The following CHD9 variants were observed in gnomAD, a reference collection of about 807,000 sequenced individuals.
CHD9 encodes the protein ATP-dependent chromatin remodeler CHD9.
CHD9 carries 77 observed loss-of-function variants against 316.1 expected under a neutral mutation model. The observed-to-expected ratio is 0.24, with a 90% CI of 0.20 to 0.29. The LOEUF (loss-of-function observed/expected upper bound fraction) is 0.29. CHD9 is among the 10% of genes least tolerant of loss of function. The pLI, the probability that CHD9 is intolerant of heterozygous loss-of-function variation, is 1.00. For missense variants in CHD9, 2,763 were observed against 3,438.1 expected, an observed-to-expected ratio of 0.80 and a Z score of 4.91; for synonymous variants, 1,129 against 1,158.3, an observed-to-expected ratio of 0.97 and a Z score of 0.51.
At chr16:53,306,121 G>GT in intron 31 of CHD9, 116 bp from the exon 32 acceptor site, 1 of 562,426 alleles carries the variant, frequency 1.8e-6, no homozygotes, top group Non-Finnish European at 2.8e-6. Context: ...TTTATCATTT[G>GT]TTTTTACTTC....
intron 12 of CHD9, among the ~76,000 whole-genome samples, chr16:53,242,514 T>G (rs1230904800): frequency 6.6e-6 from 1 of 152,184 alleles, no homozygotes; most frequent in Non-Finnish European, 1.5e-5. Context: ...TACTGAAATC[T>G]CATTGGCCAG....
intron 1 of CHD9, among the ~76,000 whole-genome samples, chr16:53,059,253 C>T (rs778263833): frequency 5.9e-5 from 9 of 152,100 alleles, no homozygotes; most frequent in Non-Finnish European, 1.0e-4. Context: ...GATGAAACCA[C>T]GTGGGATAGT....
chr16:53,312,283 C>T (rs1025014297), intron 34 of CHD9, among the ~76,000 whole-genome samples: 24 of 152,110 alleles, frequency 1.6e-4, no homozygotes, highest in Admixed American at 1.6e-3. Flanking sequence ...TAGACAAGAC[C>T]TGCACATTAA....
intron 1 of CHD9, among the ~76,000 whole-genome samples, chr16:53,147,930 G>A (rs1296192632): frequency 2.6e-5 from 4 of 152,084 alleles, no homozygotes; most frequent in East Asian, 1.9e-4. Flanking sequence ...TAGGCCAGGC[G>A]CGGTGGCCCA....
rs2046158557 is a variant in CHD9 at position 53,209,495 on chromosome 16, A to G, written c.1466A>G (p.Lys489Arg). 6.2e-7 allele frequency: 1 copy of G among 1,601,168 alleles called. No homozygotes were observed. ...LCLQRQPPSS[K>R]KSDGSGTYTK... ...TTGTTTCTGTAGCCTCCATCTTCCA[A>G]GAAGAGCGATGGTTCTGGGACATAT... Residue 489 changes from lysine (K) to arginine (R), a missense_variant, in exon 3 of 39, where the codon AAG becomes AGG. Lys to Arg is a conservative substitution (Grantham distance 26, BLOSUM62 2). Coordinates refer to ENST00000447540, the MANE Select transcript of CHD9 (RefSeq NM_001308319.2).
At chr16:53,163,351 C>G (rs1051875988) in intron 2 of CHD9, among the ~76,000 whole-genome samples, 7 of 152,170 alleles carry the variant, frequency 4.6e-5, no homozygotes, top group Non-Finnish European at 7.3e-5. Flanking sequence ...GCTGGGATTA[C>G]AGGAATGCGC....
Position 53,307,764 on chromosome 16 carries a change from T to C in CHD9, c.6864T>C (p.Asp2288=). ...GGCCTTCAGCTAGAAGAAGTTATGA[T>C]GCTAACACAGTGGCTTCTTTCTATA... is the stretch of plus-strand genomic sequence containing the variant. The part of the protein sequence containing the change: ...GKWPSARRSY[D]ANTVASFYTT... The change falls in exon 33 of 39, where the codon GAT becomes GAC. Residue 2288 remains aspartate, a synonymous_variant. Transcript: ENST00000447540. 1 of 1,612,956 alleles carries C rather than the reference T, an allele frequency of 6.2e-7. No homozygotes were observed.
intron 1 of CHD9, among the ~76,000 whole-genome samples, chr16:53,140,379 T>G (rs997670660): frequency 4.2e-5 from 6 of 144,196 alleles, no homozygotes; most frequent in African/African-American, 1.0e-4. Context: ...ATCACACCAC[T>G]GCATTCCAGT....
intron 1 of CHD9, among the ~76,000 whole-genome samples, chr16:53,062,957 T>C (rs1027309986): frequency 4.6e-5 from 7 of 151,838 alleles, no homozygotes; most frequent in Non-Finnish European, 1.0e-4. Flanking sequence ...GAGGCAGAGG[T>C]TGTGGTGAGC....
chr16:53,310,331 T>G (rs1423327001), intron 34 of CHD9, among the ~76,000 whole-genome samples: 2 of 152,172 alleles, frequency 1.3e-5, no homozygotes, highest in African/African-American at 2.4e-5. Context: ...GCCCTTTTTT[T>G]TTTTCACCAG....
intron 2 of CHD9, among the ~76,000 whole-genome samples, chr16:53,193,731 C>T (rs1267018438): frequency 6.6e-6 from 1 of 152,098 alleles, no homozygotes; most frequent in Non-Finnish European, 1.5e-5. Flanking sequence ...CGAGTGCCTG[C>T]ATGTCAGATA....
At chr16:53,175,456 T>C (rs2043036809) in intron 2 of CHD9, among the ~76,000 whole-genome samples, 1 of 152,234 alleles carries the variant, frequency 6.6e-6, no homozygotes, top group Non-Finnish European at 1.5e-5. Flanking sequence ...TAAAAACTAT[T>C]GTTTCATATA....
chr16:53,126,363 T>G (rs1284483571), intron 1 of CHD9, among the ~76,000 whole-genome samples: 1 of 152,222 alleles, frequency 6.6e-6, no homozygotes, highest in Non-Finnish European at 1.5e-5. Context: ...CAATTGACCA[T>G]AAATGTAAGA....
In CHD9 at chr16:53,156,527, T is replaced by C; in HGVS notation, c.438T>C (p.His146=). The C allele has an allele frequency of 6.2e-7, 1 of 1,613,996 alleles. No individual in the cohort carries two copies. Among genetic ancestry groups the C allele is most frequent in the Non-Finnish European group, 8.5e-7 (1 of 1,179,888 alleles). Residue 146 remains histidine, a synonymous_variant, in exon 2 of 39, where the codon CAT becomes CAC. Coordinates refer to ENST00000447540, the MANE Select transcript of CHD9 (RefSeq NM_001308319.2). ...QNGSPFHQQG[H]SHSMHQNKSF... is the part of the protein sequence containing the mutation. Reference sequence around the variant, plus strand: ...GATCTCCTTTTCACCAACAAGGACATTCACACTCTATGCATCAAAATAAAA... The same window carrying C: ...GATCTCCTTTTCACCAACAAGGACACTCACACTCTATGCATCAAAATAAAA...
chr16:53,305,307 C>T (rs900934658), intron 31 of CHD9, among the ~76,000 whole-genome samples: 2 of 152,064 alleles, frequency 1.3e-5, no homozygotes, highest in Admixed American at 6.6e-5. Context: ...GTGATCCGCC[C>T]GCCTTAGCCT....
chr16:53,103,104 C>T (rs1192890220), intron 1 of CHD9, among the ~76,000 whole-genome samples: 1 of 150,966 alleles, frequency 6.6e-6, no homozygotes, highest in African/African-American at 2.4e-5. Context: ...CTTGGCCTCC[C>T]AAAGTGCTGG....
At chr16:53,131,311 A>AGCCGCCGCCGCC (rs541900602) in intron 1 of CHD9, 10 of 124,426 alleles carry the variant, frequency 8.0e-5, no homozygotes, top group Middle Eastern at 4.7e-3. Flanking sequence ...GAGTACGTGC[A>AGCCGCCGCCGCC]GCCGCCGCCG....
chr16:53,126,824 A>G (rs1345614429), intron 1 of CHD9, among the ~76,000 whole-genome samples: 3 of 151,988 alleles, frequency 2.0e-5, no homozygotes, highest in Non-Finnish European at 4.4e-5. Context: ...GATTACAGGC[A>G]TGTGCCACCA....
intron 19 of CHD9, among the ~76,000 whole-genome samples, chr16:53,260,509 A>G (rs76886926): frequency 4.3e-4 from 65 of 152,268 alleles, no homozygotes; most frequent in African/African-American, 1.5e-3. Flanking sequence ...GAGTTTTTAT[A>G]ATATGTGGTT....
Sources: gnomAD v4.1 joint callset for allele counts (sites outside exome capture counted in the v4.1 genomes callset) on GRCh38, gnomAD v4.1.1 for gene constraint, MANE v1.5 for transcripts, NCBI Gene and HGNC (gene_info 2026-07-23, HGNC 2026-07-21) for gene names.